The following ADGRL2 variants were observed in gnomAD, a reference collection of about 807,000 sequenced individuals.
ADGRL2 encodes the protein adhesion G protein-coupled receptor L2.
In ADGRL2, 44 loss-of-function variants were observed where a neutral mutation model predicts 157.4. The ratio of observed to expected loss-of-function variants is 0.28; its 90% CI spans 0.22 to 0.36. The LOEUF is 0.36. Among genes scored for constraint, ADGRL2 ranks in the 10% least tolerant of loss-of-function variants. ADGRL2 has a pLI of 1.00. For missense variants in ADGRL2, 1,510 were observed against 1,768.9 expected (o/e 0.85, Z 2.63); for synonymous variants, 585 against 624.7 (o/e 0.94, Z 0.95).
chr1:81,336,429 G>T (rs1361162837), intron 1 of ADGRL2, among the ~76,000 whole-genome samples: 5 of 152,090 alleles, frequency 3.3e-5, no homozygotes, highest in Admixed American at 2.0e-4. Flanking sequence ...AAGTGAGACT[G>T]TAAGTCTTGG....
intron 20 of ADGRL2, 40 bp from the exon 21 acceptor site, chr1:81,985,219 A>G: frequency 8.2e-7 from 1 of 1,216,676 alleles, no homozygotes. Context: ...GTTTGGGGAA[A>G]CTAACAAAAC....
Position 81,619,228 on chromosome 1 carries a change from C to T in ADGRL2, c.-143+38248C>T, listed in dbSNP as rs552510998. Among the ~76,000 whole-genome samples the T allele has an allele frequency of 2.6e-5, 4 of 151,416 alleles. No individual in the cohort carries two copies. The East Asian group carries it at 5.8e-4, about 22-fold the overall frequency. On this transcript the variant is annotated intron_variant, in intron 3 of 24. Transcript: ENST00000370721. ...GCAGAGACTGAGAAAGGAGCTGGAA[C>T]GTATCACTGTTTATGGGTGGAACAC...
At chr1:81,586,440 T>C (rs368805477) in intron 3 of ADGRL2, 1 of 152,100 alleles carries the variant, frequency 6.6e-6, no homozygotes, top group African/African-American at 2.4e-5. Context: ...TTATGCCACA[T>C]TAACCATTGT....
Position 81,993,710 on chromosome 1 carries a change from G to C in ADGRL2, c.*2565G>C, listed in dbSNP as rs1401229969. Among the ~76,000 whole-genome samples, 1 of 152,012 alleles carries C rather than the reference G, an allele frequency of 6.6e-6. No individual in the cohort carries two copies. Among genetic ancestry groups the C allele is most frequent in the East Asian group, 1.9e-4 (1 of 5,184 alleles). On this transcript the variant is annotated 3_prime_UTR_variant, in exon 24 of 24. Coordinates refer to ENST00000686636, the MANE Select transcript of ADGRL2 (RefSeq NM_001366006.2). ...TTAGGTTTGTAATTACTAAACTACT[G>C]ACTGTTTTAATGCAGATGCGTTATT...
At chr1:81,703,346 A>AG (rs1207062140) in intron 1 of ADGRL2, among the ~76,000 whole-genome samples, 3 of 152,172 alleles carry the variant, frequency 2.0e-5, no homozygotes, top group African/African-American at 2.4e-5. Flanking sequence ...TGGAGTTGTT[A>AG]GGGGAAATGT....
intron 3 of ADGRL2, among the ~76,000 whole-genome samples, chr1:81,687,292 T>C (rs1408808839): frequency 6.6e-6 from 1 of 152,184 alleles, no homozygotes; most frequent in Non-Finnish European, 1.5e-5. Flanking sequence ...CTTACATCTG[T>C]TAGTAATTGT....
intron 2 of ADGRL2, among the ~76,000 whole-genome samples, chr1:81,487,655 G>A (rs997267399): frequency 6.6e-6 from 1 of 151,968 alleles, no homozygotes; most frequent in South Asian, 2.1e-4. Flanking sequence ...AAAAAAAAAG[G>A]GGGAGATATT....
intron 1 of ADGRL2, among the ~76,000 whole-genome samples, chr1:81,314,707 G>A (rs780586751): frequency 9.2e-5 from 14 of 152,130 alleles, no homozygotes; most frequent in African/African-American, 1.4e-4. Flanking sequence ...AGATAAAATA[G>A]TGTCAGGAAG....
intron 2 of ADGRL2, among the ~76,000 whole-genome samples, chr1:81,538,547 G>A (rs2148305339): frequency 6.6e-6 from 1 of 152,170 alleles, no homozygotes; most frequent in East Asian, 1.9e-4. Context: ...CACACTAGAA[G>A]ACAAAATAGA....
At chr1:81,452,392 C>T (rs764875934) in intron 2 of ADGRL2, among the ~76,000 whole-genome samples, 1 of 152,124 alleles carries the variant, frequency 6.6e-6, no homozygotes, top group African/African-American at 2.4e-5. Context: ...GGAGAAACAG[C>T]CTTACACGAT....
chr1:81,469,607 C>T (rs961807035), intron 2 of ADGRL2, among the ~76,000 whole-genome samples: 4 of 152,106 alleles, frequency 2.6e-5, no homozygotes, highest in Non-Finnish European at 5.9e-5. Flanking sequence ...TTCAGCATTA[C>T]CTATTTCTTT....
chr1:81,526,412 T>A (rs1241382856), intron 2 of ADGRL2, among the ~76,000 whole-genome samples: 2 of 152,222 alleles, frequency 1.3e-5, no homozygotes, highest in African/African-American at 4.8e-5. Flanking sequence ...ATCAAATTCA[T>A]GTCAATATTA....
At chr1:81,322,719 G>A (rs12076026) in intron 1 of ADGRL2, among the ~76,000 whole-genome samples, 1 of 152,046 alleles carries the variant, frequency 6.6e-6, no homozygotes, top group Admixed American at 6.6e-5. Context: ...AAAATATGGG[G>A]CCAAGCTGAA....
chr1:81,327,344 G>A (rs1290244811), intron 1 of ADGRL2, among the ~76,000 whole-genome samples: 1 of 152,098 alleles, frequency 6.6e-6, no homozygotes, highest in Non-Finnish European at 1.5e-5. Context: ...AGTGCTCAAA[G>A]ACAGATCAAA....
chr1:81,975,418 A>G (rs1659931789), intron 17 of ADGRL2, among the ~76,000 whole-genome samples: 1 of 152,142 alleles, frequency 6.6e-6, no homozygotes, highest in African/African-American at 2.4e-5. Context: ...ACAAAGAGCA[A>G]GAGGGTCAAA....
chr1:81,443,976 C>T (rs1307988596), intron 1 of ADGRL2, among the ~76,000 whole-genome samples: 2 of 152,114 alleles, frequency 1.3e-5, no homozygotes, highest in African/African-American at 4.8e-5. Flanking sequence ...CTGAAGTACT[C>T]TTATCAGACA....
chr1:81,859,990 C>T lies in ADGRL2; in HGVS notation c.73+22933C>T, dbSNP rs553982241. ...CCTGGAATTCCAGCATTTTGGAGGC[C>T]GAGGCGGGCGAATCACAAGGTCAGG... is the stretch of plus-strand genomic sequence containing the variant. On this transcript the variant is annotated intron_variant, in intron 2 of 23. Coordinates refer to ENST00000686636, the MANE Select transcript of ADGRL2 (RefSeq NM_001366006.2). Among the ~76,000 whole-genome samples the T allele has an allele frequency of 2.1e-3, 324 of 151,728 alleles. 2 individuals are homozygous for T. The highest frequency in any genetic ancestry group is 3.4e-3 in the Non-Finnish European group (231 of 67,916).
intron 2 of ADGRL2, among the ~76,000 whole-genome samples, chr1:81,465,461 T>C (rs1210435245): frequency 6.6e-6 from 1 of 152,160 alleles, no homozygotes; most frequent in Non-Finnish European, 1.5e-5. Context: ...TTAATTTCGT[T>C]CCATGTTTAG....
intron 1 of ADGRL2, among the ~76,000 whole-genome samples, chr1:81,701,506 A>G (rs1320683657): frequency 2.0e-5 from 3 of 152,144 alleles, no homozygotes; most frequent in Non-Finnish European, 2.9e-5. Context: ...TTGTGAAAGT[A>G]CCTAATCCTA....
Sources: gnomAD v4.1 joint callset for allele counts (sites outside exome capture counted in the v4.1 genomes callset) on GRCh38, gnomAD v4.1.1 for gene constraint, MANE v1.5 for transcripts, NCBI Gene and HGNC (gene_info 2026-07-23, HGNC 2026-07-21) for gene names.